RCOR3: variants seen among roughly 807,000 people sequenced by gnomAD.
The protein encoded by RCOR3 is REST corepressor 3.
Under a neutral mutation model 64.1 loss-of-function variants are expected in RCOR3, and 13 were observed. The ratio of observed to expected loss-of-function variants is 0.20; its 90% CI spans 0.13 to 0.32. The LOEUF is 0.32. Ranked by LOEUF, RCOR3 falls within the 10% of genes least tolerant of loss-of-function variation. The probability of loss-of-function intolerance (pLI) is 1.00; values close to 1 mark genes in which losing one functional copy is unlikely to be tolerated. For synonymous variants in RCOR3, 215 were observed against 239.0 expected, an observed-to-expected ratio of 0.90 and a Z score of 0.93; for missense variants, 489 against 701.2, an observed-to-expected ratio of 0.70 and a Z score of 3.42.
intron 4 of RCOR3, among the ~76,000 whole-genome samples, chr1:211,275,131 C>G (rs1278082861): frequency 6.6e-6 from 1 of 151,678 alleles, no homozygotes; most frequent in East Asian, 1.9e-4. Flanking sequence ...TGAAAGAGAT[C>G]TTAAATCTCA....
intron 9 of RCOR3, chr1:211,302,038 G>A (rs991915343): frequency 2.0e-5 from 3 of 152,156 alleles, no homozygotes; most frequent in African/African-American, 7.2e-5. Context: ...TGTGTGTACA[G>A]AAGATCCTCG....
In RCOR3 at chr1:211,260,177, G is replaced by C; in HGVS notation, c.223+13G>C. The C allele has an allele frequency of 6.2e-7, 1 of 1,610,946 alleles. No homozygotes were observed. The highest frequency in any genetic ancestry group is 8.5e-7 in the Non-Finnish European group (1 of 1,177,754). ...GAATTTGATCCAGGTAGATATATTT[G>C]CTTAAGCAAAATCTCATATCCCCTT... On this transcript the variant is annotated intron_variant, in intron 2 of 11. Transcript: ENST00000419091.
At chr1:211,272,611 A>AATTTT (rs1558054249) in intron 3 of RCOR3, among the ~76,000 whole-genome samples, 2 of 17,552 alleles carry the variant, frequency 1.1e-4, no homozygotes, top group East Asian at 1.1e-3. Context: ...TGGATGTCTT[A>AATTTT]CTTTTTTTTT....
At chr1:211,270,306 G>T (rs964971079) in intron 2 of RCOR3, among the ~76,000 whole-genome samples, 2 of 151,892 alleles carry the variant, frequency 1.3e-5, no homozygotes, top group Non-Finnish European at 2.9e-5. Context: ...CAGGTGATCC[G>T]CCTGCCTTAG....
At chr1:211,289,128 A>C (rs1698932601) in intron 7 of RCOR3, 50 bp from the exon 8 acceptor site, 1 of 1,372,804 alleles carries the variant, frequency 7.3e-7, no homozygotes, top group South Asian at 1.2e-5. Context: ...TTTTCACTTT[A>C]TACATTTGTG....
At chr1:211,263,125 TG>T (rs1443178528) in intron 2 of RCOR3, among the ~76,000 whole-genome samples, 2 of 150,214 alleles carry the variant, frequency 1.3e-5, no homozygotes, top group African/African-American at 4.9e-5. Flanking sequence ...ATGCGGTGTT[TG>T]GTTTTTTGTC....
At chr1:211,309,102 A>AAC (rs1051349394) in intron 10 of RCOR3, among the ~76,000 whole-genome samples, 33 of 151,624 alleles carry the variant, frequency 2.2e-4, no homozygotes, top group African/African-American at 7.7e-4. Flanking sequence ...AAAAAAAAAA[A>AAC]AAAAGATTCA....
In RCOR3 at chr1:211,313,655, G is replaced by A. The variant is rs141764587; in HGVS notation, c.1549G>A (p.Ala517Thr). Residue 517 changes from alanine to threonine, a missense_variant, in exon 12 of 12, where the codon GCT becomes ACT. Around this residue, in one of 2 missense-constraint regions of RCOR3, gnomAD observed 402 missense variants for 617.0 expected, o/e 0.65. Transcript: ENST00000419091. This position sits in a 1 kb window ranked among gnomAD's most constrained non-coding sequence, Gnocchi z 4.7. Reference protein sequence around the residue: ...NQPPPPLIRPANSMPPRLNPR... With the variant: ...NQPPPPLIRPTNSMPPRLNPR... ...GCCTCCACCACCTCTTATTCGCCCT[G>A]CTAATTCCATGCCACCCCGTCTAAA... 37 of 1,614,150 alleles carry A rather than the reference G, an allele frequency of 2.3e-5. No individual in the cohort carries two copies. The highest frequency in any genetic ancestry group is 2.9e-5 in the Non-Finnish European group (34 of 1,180,020).
At chr1:211,281,475 C>G (rs1293135460) in intron 7 of RCOR3, among the ~76,000 whole-genome samples, 1 of 152,118 alleles carries the variant, frequency 6.6e-6, no homozygotes, top group Non-Finnish European at 1.5e-5. Flanking sequence ...TCCACACCAC[C>G]CTTTCCAGTC....
Position 211,313,204 on chromosome 1 carries a change from G to A in RCOR3, c.1318-220G>A, listed in dbSNP as rs898496879. On this transcript the variant is annotated intron_variant, in intron 11 of 11. Coordinates refer to ENST00000419091, the MANE Select transcript of RCOR3 (RefSeq NM_001136223.3). This position sits in a 1 kb window ranked among gnomAD's most constrained non-coding sequence, Gnocchi z 4.7. Reference sequence around the variant, plus strand: ...TTATTTTTATTTTCAGTGTTAAGCTGTTTACAAATAAAGATGCCTGTTTGG... The same window carrying A: ...TTATTTTTATTTTCAGTGTTAAGCTATTTACAAATAAAGATGCCTGTTTGG... 23 of 1,430,666 alleles carry A rather than the reference G, an allele frequency of 1.6e-5. 1 individual carries two copies. The Admixed American group carries it at 6.2e-4, about 38-fold the overall frequency. 88.6% of individuals were successfully genotyped at this position (1,430,666 alleles called of 1,614,324 possible).
At chr1:211,301,735 A>G (rs919142541) in intron 9 of RCOR3, 1 of 151,270 alleles carries the variant, frequency 6.6e-6, no homozygotes, top group Non-Finnish European at 1.5e-5. Flanking sequence ...TCCCCTGTAT[A>G]CTCTGTACTT....
At chr1:211,284,227 TTTTGTTTG>T (rs886423144) in intron 7 of RCOR3, among the ~76,000 whole-genome samples, 1 of 151,380 alleles carries the variant, frequency 6.6e-6, no homozygotes, top group African/African-American at 2.4e-5. Context: ...CTAATTGTTT[TTTTGTTTG>T]TTTGTTTGTT....
chr1:211,309,087 A>T (rs946406436), intron 10 of RCOR3, among the ~76,000 whole-genome samples: 10 of 680 alleles, frequency 0.015, 1 homozygote, highest in African/African-American at 0.029. Context: ...AGCTAAACAT[A>T]AAAAAAAAAA....
At chr1:211,302,892 T>TAG (rs1431475881) in intron 9 of RCOR3, 1 of 152,244 alleles carries the variant, frequency 6.6e-6, no homozygotes, top group Non-Finnish European at 1.5e-5. Flanking sequence ...TACTTCCCTT[T>TAG]TGGGGGAACA....
intron 8 of RCOR3, among the ~76,000 whole-genome samples, chr1:211,293,611 TTCTC>T (rs1259704514): frequency 3.9e-5 from 6 of 152,204 alleles, no homozygotes; most frequent in Non-Finnish European, 1.5e-5. Flanking sequence ...TTCTCTCTCT[TTCTC>T]TCTCCAAGTC....
At chr1:211,307,117 T>G (rs1700922056) in intron 10 of RCOR3, among the ~76,000 whole-genome samples, 1 of 152,220 alleles carries the variant, frequency 6.6e-6, no homozygotes, top group African/African-American at 2.4e-5. Flanking sequence ...ACATATTTTT[T>G]CTAACCTATA....
chr1:211,268,986 G>A (rs956372439), intron 2 of RCOR3, among the ~76,000 whole-genome samples: 1 of 151,966 alleles, frequency 6.6e-6, no homozygotes, highest in Admixed American at 6.6e-5. Context: ...TTATATTATT[G>A]CCTGATAGAT....
chr1:211,289,306 G>A lies in RCOR3; in HGVS notation c.849G>A (p.Gln283=), dbSNP rs115273813. Residue 283 remains glutamine, a synonymous_variant, in exon 8 of 12, where the codon CAG becomes CAA. Transcript: ENST00000419091. ...CACCTAAGGGCATGTATTTAACCCA[G>A]GAAGATGTGGTAGCAGTTTCCTGTA... ...CRPPKGMYLT[Q]EDVVAVSCSP... is the part of the protein sequence containing the mutation. The A allele has an allele frequency of 2.7e-4, 439 of 1,614,128 alleles. 2 individuals carry two copies. The African/African-American group carries it at 5.4e-3, about 20-fold the overall frequency.
intron 2 of RCOR3, among the ~76,000 whole-genome samples, chr1:211,264,819 T>TA (rs1355458300): frequency 5.9e-5 from 9 of 152,258 alleles, no homozygotes; most frequent in African/African-American, 1.7e-4. Flanking sequence ...ATGTCTTTAC[T>TA]AACTAGATTT....
Sources: gnomAD v4.1 joint callset for allele counts (sites outside exome capture counted in the v4.1 genomes callset) on GRCh38, gnomAD v4.1.1 for gene constraint, gnomAD v4.1.1 regional missense constraint, Gnocchi (gnomAD v3.1) non-coding constraint, MANE v1.5 for transcripts, NCBI Gene and HGNC (gene_info 2026-07-23, HGNC 2026-07-21) for gene names.